The following IL1RAPL1 variants were observed in gnomAD, a reference collection of about 807,000 sequenced individuals.
The protein encoded by IL1RAPL1 is interleukin 1 receptor accessory protein like 1, also known as interleukin-1 receptor accessory protein-like 1.
In IL1RAPL1, 3 loss-of-function variants were observed where a neutral mutation model predicts 48.4. The ratio of observed to expected loss-of-function variants is 0.06; its 90% CI spans 0.03 to 0.16. The LOEUF (loss-of-function observed/expected upper bound fraction) is 0.16, where lower values mean the gene tolerates loss of function less well. IL1RAPL1 is among the 10% of genes least tolerant of loss of function. The pLI is 1.00. For synonymous variants in IL1RAPL1, 185 were observed against 187.7 expected, an observed-to-expected ratio of 0.99 and a Z score of 0.12; for missense variants, 349 against 530.6, an observed-to-expected ratio of 0.66 and a Z score of 3.36.
Position 29,226,004 on chromosome X carries a change from T to G in IL1RAPL1, c.83-56934T>G, listed in dbSNP as rs751276159. On this transcript the variant is annotated intron_variant, in intron 2 of 10. Transcript: ENST00000378993. ...AAGGCCATTGTGGTCAGTCAGTATT[T>G]CTACAAACTCCCAGGTGGTGTCAAT... Among the ~76,000 whole-genome samples the G allele has an allele frequency of 8.1e-5, 9 of 111,787 alleles. No homozygotes were observed. In the South Asian group the frequency reaches 2.3e-3, roughly 28 times the overall value.
chrX:29,530,618 T>C (rs754292669), intron 5 of IL1RAPL1, among the ~76,000 whole-genome samples: 100 of 111,852 alleles, frequency 8.9e-4, no homozygotes, highest in Non-Finnish European at 1.5e-3. Context: ...TCAGATTCCT[T>C]TAGGCAATGG....
chrX:29,596,451 G>A (rs191571997), intron 5 of IL1RAPL1, among the ~76,000 whole-genome samples: 91 of 111,609 alleles, frequency 8.2e-4, no homozygotes, highest in South Asian at 1.5e-3. Flanking sequence ...TCTTGTCCTC[G>A]GTTAGGTATA....
intron 2 of IL1RAPL1, among the ~76,000 whole-genome samples, chrX:29,235,788 T>C (rs771847582): frequency 1.8e-5 from 2 of 112,549 alleles, no homozygotes; most frequent in East Asian, 5.6e-4. Flanking sequence ...TCCCAAATGC[T>C]ATAGCATAAG....
chrX:29,892,686 G>A (rs900296270), intron 6 of IL1RAPL1, among the ~76,000 whole-genome samples: 1 of 112,177 alleles, frequency 8.9e-6, no homozygotes, highest in African/African-American at 3.2e-5. Flanking sequence ...GGAATGGCAG[G>A]TTAGATGACA....
At chrX:29,364,488 G>A (rs756454433) in intron 3 of IL1RAPL1, among the ~76,000 whole-genome samples, 1 of 106,157 alleles carries the variant, frequency 9.4e-6, no homozygotes. Context: ...GCTTGAACCC[G>A]GGAGGTGGAG....
chrX:28,625,846 A>G (rs1031731596), intron 1 of IL1RAPL1, among the ~76,000 whole-genome samples: 1 of 111,024 alleles, frequency 9.0e-6, no homozygotes, highest in Non-Finnish European at 1.9e-5. Context: ...CATACTGCCA[A>G]GCTTATTTTG....
chrX:29,894,078 T>G (rs1429781320), intron 6 of IL1RAPL1, among the ~76,000 whole-genome samples: 1 of 112,496 alleles, frequency 8.9e-6, no homozygotes, highest in African/African-American at 3.2e-5. Flanking sequence ...TGCTTTTATT[T>G]TATGTTATTC....
intron 5 of IL1RAPL1, among the ~76,000 whole-genome samples, chrX:29,457,107 C>A (rs986242449): frequency 1.8e-5 from 2 of 110,045 alleles, no homozygotes; most frequent in African/African-American, 6.6e-5. Flanking sequence ...GTACTCCATC[C>A]TGAGCAAGAG....
chrX:28,867,859 C>T (rs1375862993), intron 2 of IL1RAPL1, among the ~76,000 whole-genome samples: 2 of 111,402 alleles, frequency 1.8e-5, no homozygotes, highest in African/African-American at 6.5e-5. Flanking sequence ...AGGTATGTCA[C>T]TTAATATTTG....
chrX:29,001,897 C>CTT lies in IL1RAPL1; in HGVS notation c.82+212490_82+212491dup, dbSNP rs758737454. The stretch of plus-strand genomic sequence containing the variant: ...TGTGGTAAATTCACACAATGAAGAA[C>CTT]TTTTTTTTTTTTTTTTTTTAACGGA... On this transcript the variant is annotated intron_variant, in intron 2 of 10. Transcript: ENST00000378993. Among the ~76,000 whole-genome samples, 35 of 90,130 alleles carry CTT rather than the reference C, an allele frequency of 3.9e-4. 1 individual carries two copies. The highest frequency in any genetic ancestry group is 1.1e-3 in the African/African-American group (28 of 24,775). 78.3% of individuals were successfully genotyped at this position (90,130 alleles called of 115,157 possible).
At chrX:28,634,662 T>C (rs1199517464) in intron 1 of IL1RAPL1, among the ~76,000 whole-genome samples, 1 of 110,549 alleles carries the variant, frequency 9.0e-6, no homozygotes, top group South Asian at 3.8e-4. Context: ...TCACAATGAT[T>C]CTACCATATT....
intron 5 of IL1RAPL1, among the ~76,000 whole-genome samples, chrX:29,623,037 G>A (rs900615648): frequency 1.3e-4 from 14 of 108,079 alleles, no homozygotes; most frequent in South Asian, 4.1e-4. Flanking sequence ...TTGGGAGGCC[G>A]AGGCGGGCGG....
intron 2 of IL1RAPL1, among the ~76,000 whole-genome samples, chrX:29,004,308 G>A (rs775070285): frequency 6.2e-5 from 7 of 112,107 alleles, no homozygotes; most frequent in Non-Finnish European, 1.1e-4. Flanking sequence ...TATGGAAAAC[G>A]TACTAGTTTC....
At chrX:29,355,715 T>A (rs762810286) in intron 3 of IL1RAPL1, among the ~76,000 whole-genome samples, 24 of 112,133 alleles carry the variant, frequency 2.1e-4, no homozygotes, top group African/African-American at 6.8e-4. Context: ...AAAAAGACCG[T>A]ATCTGTGAGT....
intron 2 of IL1RAPL1, among the ~76,000 whole-genome samples, chrX:29,259,034 T>C (rs766860721): frequency 3.1e-4 from 34 of 111,294 alleles, no homozygotes; most frequent in Non-Finnish European, 5.7e-4. Flanking sequence ...TATCAGACCT[T>C]AGCTTCTCTT....
At chrX:29,228,384 T>G (rs1243951808) in intron 2 of IL1RAPL1, among the ~76,000 whole-genome samples, 1 of 98,801 alleles carries the variant, frequency 1.0e-5, no homozygotes, top group African/African-American at 3.8e-5. Context: ...AGACAGAGTC[T>G]CACCCTGTTA....
chrX:29,628,488 C>A (rs1446774799), intron 5 of IL1RAPL1, among the ~76,000 whole-genome samples: 1 of 111,481 alleles, frequency 9.0e-6, no homozygotes, highest in Admixed American at 9.5e-5. Context: ...TGAAAAGAGT[C>A]CAGCCAATGT....
intron 7 of IL1RAPL1, among the ~76,000 whole-genome samples, chrX:29,918,915 T>G (rs771772379): frequency 4.4e-5 from 5 of 112,370 alleles, no homozygotes; most frequent in African/African-American, 1.6e-4. Context: ...TACAACCACA[T>G]CAAAATGATG....
chrX:28,958,568 G>A (rs900525385), intron 2 of IL1RAPL1, among the ~76,000 whole-genome samples: 18 of 111,805 alleles, frequency 1.6e-4, no homozygotes, highest in African/African-American at 5.5e-4. Context: ...AGTAGTAGAA[G>A]AGGCCAGCAT....
Sources: allele counts gnomAD v4.1 joint callset (sites outside exome capture counted in the v4.1 genomes callset), GRCh38; gene constraint gnomAD v4.1.1; transcripts MANE v1.5; gene names NCBI Gene and HGNC (gene_info 2026-07-23, HGNC 2026-07-21).